The following TMEM178B variants were observed in gnomAD, a reference collection of about 807,000 sequenced individuals.
TMEM178B encodes transmembrane protein 178B.
A neutral mutation model predicts 31.0 loss-of-function variants in TMEM178B; 5 were observed. The observed-to-expected ratio is 0.16, with a 90% CI of 0.08 to 0.34. The LOEUF (loss-of-function observed/expected upper bound fraction) is 0.34. TMEM178B is among the 10% of genes least tolerant of loss of function. The pLI is 1.00. For synonymous variants in TMEM178B, 164 were observed against 164.0 expected, an observed-to-expected ratio of 1.00 and a Z score of 0.00; for missense variants, 275 against 400.3, an observed-to-expected ratio of 0.69 and a Z score of 2.67.
At chr7:141,157,695 C>T (rs1383125302) in intron 1 of TMEM178B, among the ~76,000 whole-genome samples, 1 of 152,208 alleles carries the variant, frequency 6.6e-6, no homozygotes, top group East Asian at 1.9e-4. Flanking sequence ...GATGATAACC[C>T]CAATCTCACT....
chr7:141,255,104 C>T (rs1250539331), intron 2 of TMEM178B, among the ~76,000 whole-genome samples: 1 of 152,180 alleles, frequency 6.6e-6, no homozygotes, highest in Non-Finnish European at 1.5e-5. Context: ...ACTTAATATG[C>T]AAAGCTTATT....
chr7:141,307,329 A>G (rs977059085), intron 2 of TMEM178B, among the ~76,000 whole-genome samples: 1 of 152,252 alleles, frequency 6.6e-6, no homozygotes, highest in African/African-American at 2.4e-5. Context: ...TTTGTAATAG[A>G]TAATTTCCAT....
intron 2 of TMEM178B, among the ~76,000 whole-genome samples, chr7:141,218,164 G>A (rs546866164): frequency 3.3e-5 from 5 of 152,182 alleles, no homozygotes; most frequent in African/African-American, 1.2e-4. Context: ...ACCAGGACCA[G>A]GCAGAACAGG....
chr7:141,083,503 G>C (rs199851438), intron 1 of TMEM178B, among the ~76,000 whole-genome samples: 143 of 148,500 alleles, frequency 9.6e-4, no homozygotes, highest in African/African-American at 3.0e-3. Flanking sequence ...GAGAGAGAGA[G>C]AGACAGACAG....
At chr7:141,308,786 CGCTGGGCCATGA>C (rs1563147409) in intron 2 of TMEM178B, among the ~76,000 whole-genome samples, 1 of 152,178 alleles carries the variant, frequency 6.6e-6, no homozygotes, top group Non-Finnish European at 1.5e-5. Context: ...ACCTGCCCGA[CGCTGGGCCATGA>C]GCTGGGTGGG....
At chr7:141,151,223 T>C in intron 1 of TMEM178B, among the ~76,000 whole-genome samples, 1 of 152,188 alleles carries the variant, frequency 6.6e-6, no homozygotes, top group East Asian at 1.9e-4. Context: ...GCCGTGGAGA[T>C]AGAAAATGTG....
intron 2 of TMEM178B, among the ~76,000 whole-genome samples, chr7:141,426,458 G>A (rs533417467): frequency 2.0e-5 from 3 of 152,292 alleles, no homozygotes; most frequent in Non-Finnish European, 4.4e-5. Context: ...GTCTACTAAA[G>A]TACCATGGAA....
chr7:141,147,790 C>A (rs946372405), intron 1 of TMEM178B, among the ~76,000 whole-genome samples: 23 of 152,064 alleles, frequency 1.5e-4, no homozygotes, highest in African/African-American at 5.6e-4. Context: ...GTTTGGGGTA[C>A]CCACAGGACA....
At chr7:141,162,213 G>A (rs539222200) in intron 1 of TMEM178B, among the ~76,000 whole-genome samples, 4 of 152,342 alleles carry the variant, frequency 2.6e-5, no homozygotes, top group East Asian at 1.9e-4. Context: ...GACGCCTTGC[G>A]CCCTGCAGCT....
At chr7:141,336,632 C>T (rs560985769) in intron 2 of TMEM178B, among the ~76,000 whole-genome samples, 4 of 152,000 alleles carry the variant, frequency 2.6e-5, no homozygotes, top group Non-Finnish European at 4.4e-5. Flanking sequence ...ATCAATAGGA[C>T]GCTATGTTTC....
chr7:141,183,754 G>A (rs893273552), intron 1 of TMEM178B, among the ~76,000 whole-genome samples: 1 of 152,126 alleles, frequency 6.6e-6, no homozygotes, highest in African/African-American at 2.4e-5. Context: ...CATGAATGAT[G>A]GATAATTATG....
In TMEM178B at chr7:141,398,440, C is replaced by T. The variant is rs531850256; in HGVS notation, c.497-39168C>T. The stretch of plus-strand genomic sequence containing the variant: ...GGGAATACCCAGAGAAACAGGAGGA[C>T]GGCACAGGAGCTGACTCAGGGGAAG... On this transcript the variant is annotated intron_variant, in intron 2 of 3. Coordinates refer to ENST00000565468, the MANE Select transcript of TMEM178B (RefSeq NM_001195278.2). Among the ~76,000 whole-genome samples, 7 of 152,234 alleles carry T rather than the reference C, an allele frequency of 4.6e-5. No individual in the cohort carries two copies. In the South Asian group the frequency reaches 6.2e-4, roughly 14 times the overall value.
intron 1 of TMEM178B, among the ~76,000 whole-genome samples, chr7:141,105,980 G>A (rs376947125): frequency 4.6e-4 from 69 of 151,156 alleles, no homozygotes; most frequent in African/African-American, 1.6e-3. Flanking sequence ...CTATGGTCCC[G>A]GCTACTTGGG....
At chr7:141,310,844 G>T (rs1308614184) in intron 2 of TMEM178B, among the ~76,000 whole-genome samples, 1 of 152,120 alleles carries the variant, frequency 6.6e-6, no homozygotes, top group Non-Finnish European at 1.5e-5. Flanking sequence ...AAAGATACAT[G>T]CACGCGTATG....
intron 1 of TMEM178B, among the ~76,000 whole-genome samples, chr7:141,163,665 C>T (rs1796214788): frequency 6.6e-6 from 1 of 151,900 alleles, no homozygotes; most frequent in Non-Finnish European, 1.5e-5. Flanking sequence ...CAGGTGAGCG[C>T]CATCAAGCCT....
intron 2 of TMEM178B, among the ~76,000 whole-genome samples, chr7:141,311,344 C>T (rs1301631230): frequency 6.6e-6 from 1 of 152,064 alleles, no homozygotes; most frequent in Admixed American, 6.6e-5. Flanking sequence ...GAAAAATGGC[C>T]TCTTGTTTTA....
chr7:141,411,239 A>G (rs1004400360), intron 2 of TMEM178B, among the ~76,000 whole-genome samples: 2 of 152,042 alleles, frequency 1.3e-5, no homozygotes, highest in Non-Finnish European at 2.9e-5. Context: ...TTTAAAAAAG[A>G]AATTAGAATG....
intron 3 of TMEM178B, among the ~76,000 whole-genome samples, chr7:141,454,030 C>T (rs1040780924): frequency 6.6e-6 from 1 of 151,932 alleles, no homozygotes; most frequent in Admixed American, 6.6e-5. Context: ...GAGCTGTGTC[C>T]TTCCCATTGC....
intron 2 of TMEM178B, among the ~76,000 whole-genome samples, chr7:141,221,418 A>G (rs1241685743): frequency 9.8e-6 from 1 of 102,066 alleles, no homozygotes; most frequent in Non-Finnish European, 1.8e-5. Context: ...CAGAGCAGGC[A>G]GATACCTGCA....
Sources: allele counts gnomAD v4.1 joint callset (sites outside exome capture counted in the v4.1 genomes callset), GRCh38; gene constraint gnomAD v4.1.1; transcripts MANE v1.5; gene names NCBI Gene and HGNC (gene_info 2026-07-23, HGNC 2026-07-21).